KCND2: variants seen among roughly 807,000 people sequenced by gnomAD.
The protein encoded by KCND2 is A-type voltage-gated potassium channel KCND2.
A neutral mutation model predicts 54.4 loss-of-function variants in KCND2; 16 were observed. That is an observed-to-expected ratio of 0.29 (90% CI 0.20 to 0.45). The LOEUF is 0.45. Ranked by LOEUF, KCND2 falls within the 20% of genes least tolerant of loss-of-function variation. The probability of loss-of-function intolerance (pLI) is 1.00; values close to 1 mark genes in which losing one functional copy is unlikely to be tolerated. For missense variants in KCND2, 486 were observed against 824.2 expected (o/e 0.59, Z 5.02); for synonymous variants, 317 against 310.7 (o/e 1.02, Z -0.21).
At chr7:120,631,858 TTTC>T (rs1302924624) in intron 1 of KCND2, among the ~76,000 whole-genome samples, 1 of 152,134 alleles carries the variant, frequency 6.6e-6, no homozygotes, top group Admixed American at 6.5e-5. Context: ...ATTTTGAAAG[TTTC>T]TTACTAAGGA....
intron 1 of KCND2, among the ~76,000 whole-genome samples, chr7:120,291,142 G>T (rs1287374044): frequency 6.6e-6 from 1 of 151,710 alleles, no homozygotes; most frequent in Non-Finnish European, 1.5e-5. Flanking sequence ...TATGTGATTT[G>T]CCCATCATAA....
intron 1 of KCND2, among the ~76,000 whole-genome samples, chr7:120,340,200 G>A (rs1800221187): frequency 6.6e-6 from 1 of 152,200 alleles, no homozygotes; most frequent in South Asian, 2.1e-4. Flanking sequence ...GTTTAGAAAG[G>A]AATATAGTAA....
chr7:120,277,420 A>G (rs1799192425), intron 1 of KCND2, among the ~76,000 whole-genome samples: 1 of 152,086 alleles, frequency 6.6e-6, no homozygotes, highest in African/African-American at 2.4e-5. Flanking sequence ...TGGGTAGTGC[A>G]AATCACCATC....
intron 1 of KCND2, among the ~76,000 whole-genome samples, chr7:120,372,871 C>T (rs924492346): frequency 2.1e-4 from 32 of 151,964 alleles, no homozygotes; most frequent in African/African-American, 7.7e-4. Flanking sequence ...AATGGAATAG[C>T]TGCCACCAGC....
At chr7:120,683,739 CA>C in intron 1 of KCND2, among the ~76,000 whole-genome samples, 1 of 150,720 alleles carries the variant, frequency 6.6e-6, no homozygotes, top group East Asian at 1.9e-4. Context: ...AGTTATAATC[CA>C]AAAAAATAGA....
At chr7:120,736,709 G>GT (rs140588173) in intron 2 of KCND2, among the ~76,000 whole-genome samples, 253 of 151,226 alleles carry the variant, frequency 1.7e-3, no homozygotes, top group African/African-American at 5.5e-3. Context: ...TTTTATATCT[G>GT]TTTTTTTTGT....
At chr7:120,593,351 A>G (rs1027118902) in intron 1 of KCND2, among the ~76,000 whole-genome samples, 2 of 152,204 alleles carry the variant, frequency 1.3e-5, no homozygotes, top group Non-Finnish European at 2.9e-5. Context: ...TGATTTCAAA[A>G]TGCACATTCA....
At chr7:120,409,867 T>A (rs1426960946) in intron 1 of KCND2, among the ~76,000 whole-genome samples, 2 of 151,920 alleles carry the variant, frequency 1.3e-5, no homozygotes, top group Non-Finnish European at 2.9e-5. Flanking sequence ...AACAAAGTCT[T>A]CCTAAGACAA....
At chr7:120,494,140 A>G (rs1455745217) in intron 1 of KCND2, among the ~76,000 whole-genome samples, 5 of 152,158 alleles carry the variant, frequency 3.3e-5, no homozygotes, top group African/African-American at 1.2e-4. Context: ...TAAAATAATA[A>G]GTAAAGCAAA....
chr7:120,516,307 G>A (rs1300883900), intron 1 of KCND2, among the ~76,000 whole-genome samples: 1 of 151,980 alleles, frequency 6.6e-6, no homozygotes, highest in Non-Finnish European at 1.5e-5. Context: ...ACAAATACAC[G>A]CCAAGAGAGT....
intron 1 of KCND2, among the ~76,000 whole-genome samples, chr7:120,641,754 CTTT>C (rs5886998): frequency 7.7e-6 from 1 of 129,886 alleles, no homozygotes; most frequent in African/African-American, 2.9e-5. Flanking sequence ...CAAGCATATT[CTTT>C]TTTTTTTTTT....
Position 120,274,390 on chromosome 7 carries a change from T to TG in KCND2, c.-242dup. 4 of 594,680 alleles carry TG rather than the reference T, an allele frequency of 6.7e-6. No homozygotes were observed. In the South Asian group the frequency reaches 7.9e-5, roughly 12 times the overall value. The allele number at this position is 594,680 out of a possible 1,614,324, so 36.8% of individuals were successfully genotyped here. A position where few individuals can be genotyped will look rare whatever the true frequency, so the allele number is the denominator to read the frequency against. On this transcript the variant is annotated 5_prime_UTR_variant, in exon 1 of 6. Coordinates refer to ENST00000331113, the MANE Select transcript of KCND2 (RefSeq NM_012281.3). The stretch of plus-strand genomic sequence containing the variant: ...AGGAAGAGATTTGGCTGGGTTCTGT[T>TG]GAGGGTGATTGTTAGGACGTTGTAT...
chr7:120,488,318 G>A (rs914814112), intron 1 of KCND2, among the ~76,000 whole-genome samples: 21 of 152,094 alleles, frequency 1.4e-4, no homozygotes, highest in Non-Finnish European at 2.9e-5. Flanking sequence ...TCATTCAAAT[G>A]TTTGTAAAAG....
intron 1 of KCND2, among the ~76,000 whole-genome samples, chr7:120,682,968 G>T (rs1020405853): frequency 1.3e-5 from 2 of 152,066 alleles, no homozygotes; most frequent in African/African-American, 4.8e-5. Flanking sequence ...AAAGAATAAA[G>T]GTCAGCCTTC....
At chr7:120,361,180 A>T (rs1035980374) in intron 1 of KCND2, among the ~76,000 whole-genome samples, 1 of 152,030 alleles carries the variant, frequency 6.6e-6, no homozygotes, top group East Asian at 1.9e-4. Context: ...ACAGATTACC[A>T]TGTAAGCCAA....
At chr7:120,319,585 C>T (rs1355384656) in intron 1 of KCND2, among the ~76,000 whole-genome samples, 2 of 152,092 alleles carry the variant, frequency 1.3e-5, no homozygotes, top group Non-Finnish European at 2.9e-5. Context: ...ATAAATAACA[C>T]TCTTGCCGAT....
intron 1 of KCND2, among the ~76,000 whole-genome samples, chr7:120,276,165 C>G (rs1367502157): frequency 6.6e-6 from 1 of 152,168 alleles, no homozygotes; most frequent in East Asian, 1.9e-4. Context: ...TATACTTGAA[C>G]TATTATTTTC....
intron 1 of KCND2, among the ~76,000 whole-genome samples, chr7:120,450,768 T>C (rs1365614706): frequency 6.6e-6 from 1 of 152,200 alleles, no homozygotes; most frequent in Non-Finnish European, 1.5e-5. Flanking sequence ...TTCCTTTGTC[T>C]CATATTTCCA....
intron 1 of KCND2, among the ~76,000 whole-genome samples, chr7:120,471,268 A>T (rs1411791768): frequency 6.6e-6 from 1 of 152,092 alleles, no homozygotes; most frequent in Non-Finnish European, 1.5e-5. Context: ...CTTTCCTTGA[A>T]TTGCAGACAG....
Sources: allele counts gnomAD v4.1 joint callset (sites outside exome capture counted in the v4.1 genomes callset), GRCh38; gene constraint gnomAD v4.1.1; transcripts MANE v1.5; gene names NCBI Gene and HGNC (gene_info 2026-07-23, HGNC 2026-07-21).